LPGAT1: variants seen among roughly 807,000 people sequenced by gnomAD.
LPGAT1 encodes acyl-CoA:lysophosphatidylglycerol acyltransferase 1.
A neutral mutation model predicts 47.5 loss-of-function variants in LPGAT1; 11 were observed. The observed-to-expected ratio is 0.23, with a 90% CI of 0.15 to 0.38. The LOEUF is 0.38. LPGAT1 is among the 10% of genes least tolerant of loss of function. The pLI, the probability that LPGAT1 is intolerant of heterozygous loss-of-function variation, is 1.00. For missense variants in LPGAT1, 293 were observed against 439.0 expected, an observed-to-expected ratio of 0.67 and a Z score of 2.97; for synonymous variants, 138 against 144.2, an observed-to-expected ratio of 0.96 and a Z score of 0.31.
In LPGAT1 at chr1:211,798,796, G is replaced by A. The variant is rs1659452012; in HGVS notation, c.239-5606C>T. Among the ~76,000 whole-genome samples, 6 of 152,340 alleles carry A rather than the reference G, an allele frequency of 3.9e-5. No individual in the cohort carries two copies. The South Asian group carries it at 1.2e-3, about 32-fold the overall frequency. On this transcript the variant is annotated intron_variant, in intron 2 of 7. Coordinates refer to ENST00000366997, the MANE Select transcript of LPGAT1 (RefSeq NM_014873.3). ...CTGTGGCTTTCAGCAGTCCAGGTTT[G>A]AGGCAGACAGGATTGGATTCATCCA...
At chr1:211,779,797 A>G (rs1385538057) in intron 5 of LPGAT1, among the ~76,000 whole-genome samples, 1 of 152,046 alleles carries the variant, frequency 6.6e-6, no homozygotes, top group Non-Finnish European at 1.5e-5. Context: ...GGTTGCAGTG[A>G]GCCAAGATCG....
intron 2 of LPGAT1, among the ~76,000 whole-genome samples, chr1:211,807,460 G>GA (rs199536216): frequency 1.4e-4 from 21 of 149,450 alleles, no homozygotes; most frequent in East Asian, 5.9e-4. Context: ...AAATAACTTT[G>GA]AAAAAAAAAT....
intron 6 of LPGAT1, among the ~76,000 whole-genome samples, chr1:211,763,750 T>C (rs1363761166): frequency 1.3e-5 from 2 of 152,260 alleles, no homozygotes; most frequent in Admixed American, 6.5e-5. Context: ...TTAATAGCAC[T>C]ATTTCCAGAT....
intron 2 of LPGAT1, among the ~76,000 whole-genome samples, chr1:211,809,499 T>C (rs570926605): frequency 1.1e-4 from 16 of 152,316 alleles, no homozygotes; most frequent in African/African-American, 3.8e-4. Context: ...ATTCCTGATA[T>C]GGTTTGGCTG....
intron 2 of LPGAT1, among the ~76,000 whole-genome samples, chr1:211,809,146 A>G (rs1053591861): frequency 3.9e-5 from 6 of 152,010 alleles, no homozygotes; most frequent in Non-Finnish European, 8.8e-5. Flanking sequence ...TGCAGCTTGC[A>G]GTGAGCCAAG....
At chr1:211,768,773 C>T (rs956702616) in intron 6 of LPGAT1, among the ~76,000 whole-genome samples, 6 of 152,098 alleles carry the variant, frequency 3.9e-5, no homozygotes, top group Non-Finnish European at 7.4e-5. Context: ...TCCTCTTAAG[C>T]ATATTAGACT....
chr1:211,750,888 A>G (rs1657149109), intron 7 of LPGAT1, 73 bp downstream of exon 7: 1 of 1,141,222 alleles, frequency 8.8e-7, no homozygotes, highest in Admixed American at 2.0e-5. Flanking sequence ...TCTAATATGC[A>G]AACAGCTTTC....
chr1:211,814,611 A>G (rs938120443), intron 2 of LPGAT1, among the ~76,000 whole-genome samples: 1 of 152,232 alleles, frequency 6.6e-6, no homozygotes, highest in Admixed American at 6.5e-5. Context: ...CTAGCTGTGT[A>G]AGTAAATGAT....
At chr1:211,755,542 A>G (rs1375725155) in intron 6 of LPGAT1, among the ~76,000 whole-genome samples, 1 of 149,958 alleles carries the variant, frequency 6.7e-6, no homozygotes, top group African/African-American at 2.4e-5. Context: ...TTTAAGTGCG[A>G]GTAGACAGAA....
In LPGAT1 at chr1:211,743,618, T is replaced by A. The variant is rs903152909; in HGVS notation, c.*6281A>T. The A allele has an allele frequency of 6.6e-6, 1 of 152,178 alleles. No homozygotes were observed. Among genetic ancestry groups the A allele is most frequent in the African/African-American group, 2.4e-5 (1 of 41,444 alleles). The allele number at this position is 152,178 out of a possible 1,614,324, so 9.4% of individuals were successfully genotyped here. ...AACATTTTAAAAACAAGCATTTTCA[T>A]ATTAAGTGGAAATTAAAAACAATGG... On this transcript the variant is annotated 3_prime_UTR_variant, in exon 8 of 8. Coordinates refer to ENST00000366997, the MANE Select transcript of LPGAT1 (RefSeq NM_014873.3).
chr1:211,825,188 CTTTTTTTTTT>C (rs953536979), intron 2 of LPGAT1, among the ~76,000 whole-genome samples: 2 of 70,860 alleles, frequency 2.8e-5, no homozygotes, highest in Non-Finnish European at 5.0e-5. Context: ...GCACAGTCTT[CTTTTTTTTTT>C]TTTTTTTTTT....
chr1:211,798,766 G>C (rs1305430295), intron 2 of LPGAT1, among the ~76,000 whole-genome samples: 1 of 152,194 alleles, frequency 6.6e-6, no homozygotes, highest in Non-Finnish European at 1.5e-5. Flanking sequence ...CACATAGCTG[G>C]AGAACTGTGG....
chr1:211,821,260 A>C (rs546578248), intron 2 of LPGAT1, among the ~76,000 whole-genome samples: 1 of 152,350 alleles, frequency 6.6e-6, no homozygotes, highest in South Asian at 2.1e-4. Context: ...CATCTCAAAA[A>C]AACAAAAAAC....
chr1:211,811,028 A>G (rs1424153803), intron 2 of LPGAT1, among the ~76,000 whole-genome samples: 1 of 152,210 alleles, frequency 6.6e-6, no homozygotes, highest in East Asian at 1.9e-4. Context: ...AACATTCACC[A>G]CCCAAAGTGG....
At chr1:211,768,786 G>C (rs570070650) in intron 6 of LPGAT1, among the ~76,000 whole-genome samples, 1 of 152,288 alleles carries the variant, frequency 6.6e-6, no homozygotes, top group East Asian at 1.9e-4. Context: ...ATTAGACTGA[G>C]GGGAACAACT....
intron 5 of LPGAT1, among the ~76,000 whole-genome samples, chr1:211,779,409 C>T (rs1658543705): frequency 6.6e-6 from 1 of 151,666 alleles, no homozygotes; most frequent in African/African-American, 2.4e-5. Context: ...AAACAGACTT[C>T]GAAACAAAAC....
chr1:211,757,149 C>T (rs532995091), intron 6 of LPGAT1, among the ~76,000 whole-genome samples: 50 of 151,386 alleles, frequency 3.3e-4, no homozygotes, highest in Non-Finnish European at 5.5e-4. Flanking sequence ...CCTAGCTACT[C>T]GGGAGGCTGA....
chr1:211,797,289 A>G (rs900662507), intron 2 of LPGAT1, among the ~76,000 whole-genome samples: 3 of 149,934 alleles, frequency 2.0e-5, no homozygotes, highest in Non-Finnish European at 3.0e-5. Flanking sequence ...GAAGGTACCT[A>G]GATCAACTTT....
intron 6 of LPGAT1, among the ~76,000 whole-genome samples, chr1:211,758,037 C>T (rs1204889741): frequency 6.6e-6 from 1 of 152,196 alleles, no homozygotes; most frequent in East Asian, 1.9e-4. Flanking sequence ...TCTGTGCTCA[C>T]CATATAATGC....
Sources: allele counts gnomAD v4.1 joint callset (sites outside exome capture counted in the v4.1 genomes callset), GRCh38; gene constraint gnomAD v4.1.1; transcripts MANE v1.5; gene names NCBI Gene and HGNC (gene_info 2026-07-23, HGNC 2026-07-21).